The following RASGRP1 variants were observed in gnomAD, a reference collection of about 807,000 sequenced individuals.
The protein encoded by RASGRP1 is RAS guanyl-releasing protein 1.
Under a neutral mutation model 95.1 loss-of-function variants are expected in RASGRP1, and 37 were observed. The ratio of observed to expected loss-of-function variants is 0.39; its 90% CI spans 0.30 to 0.51. The LOEUF (loss-of-function observed/expected upper bound fraction) is 0.51, where lower values mean the gene tolerates loss of function less well. RASGRP1 is among the 20% of genes least tolerant of loss of function. The probability of loss-of-function intolerance (pLI) is 0.80; values close to 1 mark genes in which losing one functional copy is unlikely to be tolerated. For missense variants in RASGRP1, 711 were observed against 965.4 expected (o/e 0.74, Z 3.49); for synonymous variants, 325 against 353.4 (o/e 0.92, Z 0.90).
chr15:38,514,344 C>T (rs2141118539), intron 6 of RASGRP1, among the ~76,000 whole-genome samples: 1 of 152,232 alleles, frequency 6.6e-6, no homozygotes, highest in East Asian at 1.9e-4. Context: ...AAAGTAGCCA[C>T]AACTCATTGC....
chr15:38,490,499 T>C lies in RASGRP1; in HGVS notation c.*55A>G. 1 of 1,568,886 alleles carries C rather than the reference T, an allele frequency of 6.4e-7. No homozygotes were observed. The highest frequency in any genetic ancestry group is 8.6e-7 in the Non-Finnish European group (1 of 1,157,790). On this transcript the variant is annotated 3_prime_UTR_variant, in exon 17 of 17. Transcript: ENST00000310803. Reference sequence around the variant, plus strand: ...AGTTCCTCAGGTCTGTGCATTACAGTTTAGGAAATGAGATCACTATACTCA... The same window carrying C: ...AGTTCCTCAGGTCTGTGCATTACAGCTTAGGAAATGAGATCACTATACTCA...
In RASGRP1 at chr15:38,490,607, G is replaced by A; in HGVS notation, c.2341C>T (p.Leu781Phe). 1 of 1,613,324 alleles carries A rather than the reference G, an allele frequency of 6.2e-7. No individual in the cohort carries two copies. Among genetic ancestry groups the A allele is most frequent in the Non-Finnish European group, 8.5e-7 (1 of 1,179,484 alleles). The part of the protein sequence containing the change: ...YAQKKIESLQ[L>F]EKSNHVLAQM... The stretch of plus-strand genomic sequence containing the variant: ...GCTAAGACATGATTGCTTTTTTCAA[G>A]CTGGAGGGATTCTATTTTCTTCTGT... Residue 781 changes from leucine to phenylalanine, a missense_variant, in exon 17 of 17, where the codon CTT (leucine) becomes TTT (phenylalanine). Coordinates refer to ENST00000310803, the MANE Select transcript of RASGRP1 (RefSeq NM_005739.4).
At chr15:38,564,532 A>G (rs1424258305) in intron 1 of RASGRP1, 62 bp downstream of exon 1, 4 of 1,276,252 alleles carry the variant, frequency 3.1e-6, no homozygotes, top group Non-Finnish European at 4.0e-6. Flanking sequence ...GGCGACGGGC[A>G]GGGGCCTCTT....
At chr15:38,495,199 A>T (rs1226835544) in intron 15 of RASGRP1, among the ~76,000 whole-genome samples, 2 of 152,206 alleles carry the variant, frequency 1.3e-5, no homozygotes, top group Non-Finnish European at 2.9e-5. Flanking sequence ...TCTAGCAGGT[A>T]AGTACTCTCT....
At chr15:38,517,036 ACAG>A (rs1365582708) in intron 5 of RASGRP1, among the ~76,000 whole-genome samples, 2 of 152,158 alleles carry the variant, frequency 1.3e-5, no homozygotes, top group East Asian at 3.9e-4. Context: ...ATTTTGAAAG[ACAG>A]CAGGTTGCCT....
chr15:38,547,399 G>A (rs1030257796), intron 2 of RASGRP1, among the ~76,000 whole-genome samples: 2 of 152,046 alleles, frequency 1.3e-5, no homozygotes, highest in Non-Finnish European at 2.9e-5. Flanking sequence ...ACCAATGACC[G>A]ATGGGACTTG....
At chr15:38,500,340 T>G (rs1325042558) in intron 13 of RASGRP1, among the ~76,000 whole-genome samples, 4 of 121,856 alleles carry the variant, frequency 3.3e-5, no homozygotes, top group Non-Finnish European at 6.4e-5. Context: ...AAGAAGCAGG[T>G]TTTTTTTGTT....
At chr15:38,507,184 A>C (rs543645512) in intron 9 of RASGRP1, among the ~76,000 whole-genome samples, 22 of 152,312 alleles carry the variant, frequency 1.4e-4, no homozygotes, top group Non-Finnish European at 3.1e-4. Context: ...GCAGGTCTGG[A>C]AGGGAGTTCA....
chr15:38,547,911 C>A (rs1047560884), intron 2 of RASGRP1, among the ~76,000 whole-genome samples: 1 of 151,120 alleles, frequency 6.6e-6, no homozygotes, highest in Non-Finnish European at 1.5e-5. Context: ...GTATTACATT[C>A]TCTTACTTAC....
chr15:38,500,970 G>A (rs922884599), intron 13 of RASGRP1, among the ~76,000 whole-genome samples, 173 bp downstream of exon 13: 2 of 152,100 alleles, frequency 1.3e-5, no homozygotes, highest in East Asian at 1.9e-4. Flanking sequence ...AGGAAGAAGC[G>A]AGAGATGATG....
In RASGRP1 at chr15:38,494,550, C is replaced by A; in HGVS notation, c.2091G>T (p.Lys697Asn). 6.3e-7 allele frequency: 1 copy of A among 1,583,992 alleles called. No individual in the cohort carries two copies. Among genetic ancestry groups the A allele is most frequent in the East Asian group, 2.3e-5 (1 of 43,472 alleles). Residue 697 changes from lysine to asparagine, a missense_variant, in exon 16 of 17, where the codon AAG becomes AAT. By Grantham distance (94) the Lys-to-Asn change is moderately conservative. This residue lies in a region of RASGRP1 where 212 missense variants were observed against 247.8 expected (regional missense o/e 0.86). Coordinates refer to ENST00000310803, the MANE Select transcript of RASGRP1 (RefSeq NM_005739.4). ...SGPFVLSSPR[K>N]TAQDTLYVLP... ...GCACATATAGAGTATCCTGGGCTGT[C>A]TTCCTTGGGGAAGACAGCACAAAGG...
At chr15:38,529,148 A>C (rs1892343324) in intron 2 of RASGRP1, among the ~76,000 whole-genome samples, 1 of 152,188 alleles carries the variant, frequency 6.6e-6, no homozygotes, top group Non-Finnish European at 1.5e-5. Context: ...TGATGCAATG[A>C]CTTAATCGAC....
At chr15:38,517,597 A>G (rs924832997) in intron 5 of RASGRP1, among the ~76,000 whole-genome samples, 2 of 152,148 alleles carry the variant, frequency 1.3e-5, no homozygotes, top group African/African-American at 2.4e-5. Context: ...CTGAGCCTCA[A>G]TTTCCCAGTC....
chr15:38,530,079 C>T (rs1325818247), intron 2 of RASGRP1, among the ~76,000 whole-genome samples: 1 of 152,150 alleles, frequency 6.6e-6, no homozygotes, highest in African/African-American at 2.4e-5. Context: ...AACCAACCAC[C>T]CCAAAACTCA....
At position 38,526,291 on chromosome 15, in the gene RASGRP1, A is replaced by G; in HGVS notation, c.326+8T>C. The G allele has an allele frequency of 6.2e-7, 1 of 1,606,104 alleles. No individual in the cohort carries two copies. Among genetic ancestry groups the G allele is most frequent in the Non-Finnish European group, 8.5e-7 (1 of 1,173,190 alleles). On this transcript the variant is annotated splice_region_variant and intron_variant, in intron 3 of 16. Transcript: ENST00000310803. ...TTTGGGATTGCCAGTCACTATGTTA[A>G]AGGATATAGGGTGATAACTTTTTGG...
chr15:38,502,074 C>T (rs1440185171), intron 12 of RASGRP1, among the ~76,000 whole-genome samples: 1 of 152,096 alleles, frequency 6.6e-6, no homozygotes, highest in African/African-American at 2.4e-5. Context: ...AGGTTGGTCT[C>T]GAACTCCTGA....
At chr15:38,522,647 T>C (rs576550279) in intron 3 of RASGRP1, among the ~76,000 whole-genome samples, 8 of 152,284 alleles carry the variant, frequency 5.3e-5, no homozygotes, top group African/African-American at 1.7e-4. Context: ...CAGAAGGGTC[T>C]TGAAAGAGCT....
chr15:38,554,657 A>C (rs1475872416), intron 2 of RASGRP1, among the ~76,000 whole-genome samples: 1 of 152,188 alleles, frequency 6.6e-6, no homozygotes, highest in Non-Finnish European at 1.5e-5. Flanking sequence ...CTGCTCATCA[A>C]AGATGCAGCA....
intron 1 of RASGRP1, among the ~76,000 whole-genome samples, chr15:38,561,135 G>T (rs79326980): frequency 1.1e-4 from 16 of 152,262 alleles, no homozygotes; most frequent in Non-Finnish European, 5.9e-5. Flanking sequence ...GGAAAAAAAC[G>T]TACCTCTGAA....
Sources: gnomAD v4.1 joint callset for allele counts (sites outside exome capture counted in the v4.1 genomes callset) on GRCh38, gnomAD v4.1.1 for gene constraint, gnomAD v4.1.1 regional missense constraint, MANE v1.5 for transcripts, NCBI Gene and HGNC (gene_info 2026-07-23, HGNC 2026-07-21) for gene names.